Variants in HPS5 observed in about 807,000 individuals in gnomAD.
The protein encoded by HPS5 is HPS5 biogenesis of lysosomal organelles complex 2 subunit 2.
In HPS5, 83 loss-of-function variants were observed where a neutral mutation model predicts 128.0. The observed-to-expected ratio is 0.65, with a 90% CI of 0.54 to 0.78. The LOEUF (loss-of-function observed/expected upper bound fraction) is 0.78, where lower values mean the gene tolerates loss of function less well. Ranked by LOEUF, HPS5 falls within the 30% of genes least tolerant of loss-of-function variation. HPS5 has a pLI of 0.00. For synonymous variants in HPS5, 475 were observed against 470.2 expected, an observed-to-expected ratio of 1.01 and a Z score of -0.13; for missense variants, 1,281 against 1,326.2, an observed-to-expected ratio of 0.97 and a Z score of 0.53.
intron 6 of HPS5, among the ~76,000 whole-genome samples, chr11:18,308,450 C>A (rs574109186): frequency 6.6e-6 from 1 of 152,118 alleles, no homozygotes; most frequent in Non-Finnish European, 1.5e-5. Flanking sequence ...TCTTAGTCAC[C>A]CACTGGACTG....
At chr11:18,307,436 T>C (rs1862498743) in intron 6 of HPS5, among the ~76,000 whole-genome samples, 2 of 152,336 alleles carry the variant, frequency 1.3e-5, no homozygotes, top group Middle Eastern at 3.4e-3. Context: ...TTATTACTTA[T>C]ACTCCTTATT....
At chr11:18,288,830 G>A (rs1860050837) in intron 16 of HPS5, among the ~76,000 whole-genome samples, 1 of 151,816 alleles carries the variant, frequency 6.6e-6, no homozygotes. Flanking sequence ...CGTGTGTGGA[G>A]AGACAGGGTC....
intron 18 of HPS5, chr11:18,286,977 T>G (rs1590058266): frequency 3.3e-6 from 2 of 598,148 alleles, no homozygotes; most frequent in Non-Finnish European, 2.9e-6. Flanking sequence ...GTGGCCAGAG[T>G]AGGAAGATCA....
rs1343092510 is a variant in HPS5, at chr11:18,286,575, A to T, written c.2837+16T>A. 4.3e-6 allele frequency: 7 copies of T among 1,612,594 alleles called. No homozygotes were observed. Among genetic ancestry groups the T allele is most frequent in the Non-Finnish European group, 5.9e-6 (7 of 1,179,214 alleles). ...AAAGTAAAGAAAAAAACAAAGAAAGAGGACTTCTTCTGTACCTGGGATAAC... is the reference window on the plus strand; with the variant it reads ...AAAGTAAAGAAAAAAACAAAGAAAGTGGACTTCTTCTGTACCTGGGATAAC... On this transcript the variant is annotated intron_variant, in intron 19 of 22. Transcript: ENST00000349215.
In HPS5 at chr11:18,291,846, G is replaced by A. The variant is rs779921624; in HGVS notation, c.2036C>T (p.Ser679Leu). The A allele has an allele frequency of 1.2e-6, 2 of 1,605,014 alleles. No individual in the cohort carries two copies. Among genetic ancestry groups the A allele is most frequent in the Admixed American group, 1.7e-5 (1 of 59,110 alleles). ...LNQDVLLVNE[S>L]KKGILDEDNE... The stretch of plus-strand genomic sequence containing the variant: ...ATCTTCATCTAATATTCCCTTTTTT[G>A]ATTCATTAACTAATAGCACATCCTG... Residue 679 changes from serine (S) to leucine (L), a missense_variant, in exon 16 of 23, where the codon TCA becomes TTA. Ser to Leu is a moderately radical substitution (Grantham distance 145, BLOSUM62 -2). Coordinates refer to ENST00000349215, the MANE Select transcript of HPS5 (RefSeq NM_181507.2).
intron 22 of HPS5, among the ~76,000 whole-genome samples, chr11:18,281,495 G>A (rs1246446980): frequency 6.6e-6 from 1 of 151,354 alleles, no homozygotes; most frequent in Admixed American, 6.6e-5. Context: ...CACCTTCCGA[G>A]TTCAAGCGAT....
At chr11:18,312,128 T>A in intron 2 of HPS5, 104 bp from the exon 3 acceptor site, 1 of 858,764 alleles carries the variant, frequency 1.2e-6, no homozygotes, top group Non-Finnish European at 2.0e-6. Flanking sequence ...GCTCCTTCCC[T>A]CACTTTACCC....
chr11:18,298,636 A>G (rs577085380), intron 10 of HPS5, among the ~76,000 whole-genome samples, 156 bp downstream of exon 10: 3 of 152,216 alleles, frequency 2.0e-5, no homozygotes, highest in Non-Finnish European at 4.4e-5. Flanking sequence ...ATCCACCCCT[A>G]GATATATCTA....
chr11:18,296,074 G>C lies in HPS5; in HGVS notation c.1559C>G (p.Thr520Ser). The stretch of plus-strand genomic sequence containing the variant: ...TAATGGAATGCCGAACGGGAGAAAA[G>C]TTTCATTCTTATCTGTCTCAAACAT... ...PVMFETDKNETFLPFGIPLPF... is the reference protein window; with the variant it reads ...PVMFETDKNESFLPFGIPLPF... Residue 520 changes from threonine (T) to serine (S), a missense_variant, in exon 13 of 23, where the codon ACT (threonine) becomes AGT (serine). Thr to Ser is a moderately conservative substitution (Grantham distance 58). Transcript: ENST00000349215. 6.8e-6 allele frequency: 11 copies of C among 1,613,184 alleles called. No homozygotes were observed. Among genetic ancestry groups the C allele is most frequent in the Non-Finnish European group, 9.3e-6 (11 of 1,179,192 alleles).
chr11:18,321,595 G>T (rs1308360811), intron 1 of HPS5, among the ~76,000 whole-genome samples: 5 of 152,170 alleles, frequency 3.3e-5, no homozygotes, highest in Non-Finnish European at 7.3e-5. Flanking sequence ...TCGTAAAATA[G>T]TTCAGTGTTT....
intron 2 of HPS5, among the ~76,000 whole-genome samples, chr11:18,316,137 C>CT: frequency 6.6e-6 from 1 of 152,068 alleles, no homozygotes; most frequent in Non-Finnish European, 1.5e-5. Flanking sequence ...TCTACAAAAA[C>CT]TTTAAAAATT....
intron 9 of HPS5, among the ~76,000 whole-genome samples, chr11:18,300,408 C>T (rs189604597): frequency 4.6e-5 from 7 of 152,188 alleles, no homozygotes; most frequent in Admixed American, 2.0e-4. Context: ...TAACTGGGCA[C>T]GGTGGCTCAC....
chr11:18,292,588 G>A (rs1309215504), intron 15 of HPS5, among the ~76,000 whole-genome samples: 2 of 152,130 alleles, frequency 1.3e-5, no homozygotes, highest in Non-Finnish European at 2.9e-5. Flanking sequence ...CCCATTCTGG[G>A]CTTGTGTGAA....
chr11:18,299,072 GT>G, intron 9 of HPS5, 102 bp from the exon 10 acceptor site: 1 of 1,140,082 alleles, frequency 8.8e-7, no homozygotes, highest in East Asian at 2.5e-5. Flanking sequence ...CTTACGTAGG[GT>G]TTGGCTTGAC....
intron 2 of HPS5, 92 bp from the exon 3 acceptor site, chr11:18,312,116 A>G: frequency 1.0e-6 from 1 of 960,388 alleles, no homozygotes; most frequent in Non-Finnish European, 1.7e-6. Flanking sequence ...TTTATGCATC[A>G]GGCTCCTTCC....
intron 10 of HPS5, among the ~76,000 whole-genome samples, chr11:18,298,235 G>A (rs1861310139): frequency 6.6e-6 from 1 of 152,050 alleles, no homozygotes; most frequent in Non-Finnish European, 1.5e-5. Context: ...GCTGATACCT[G>A]TAATCCCACA....
intron 22 of HPS5, chr11:18,280,680 T>A (rs1051894964): frequency 4.6e-6 from 3 of 648,876 alleles, no homozygotes; most frequent in Non-Finnish European, 8.3e-6. Context: ...AGGTGGCATA[T>A]ATATACAACG....
chr11:18,286,475 A>C, intron 19 of HPS5, 116 bp downstream of exon 19: 1 of 1,034,474 alleles, frequency 9.7e-7, no homozygotes, highest in South Asian at 1.4e-5. Flanking sequence ...CTAGGAGGTC[A>C]AGGCTGCAGG....
At chr11:18,287,433 C>A (rs1859877391) in intron 18 of HPS5, 102 bp downstream of exon 18, 3 of 1,311,816 alleles carry the variant, frequency 2.3e-6, no homozygotes, top group Non-Finnish European at 3.3e-6. Context: ...TGTGCCTCAA[C>A]CCCTTGGTAA....
Sources: gnomAD v4.1 joint callset for allele counts (sites outside exome capture counted in the v4.1 genomes callset) on GRCh38, gnomAD v4.1.1 for gene constraint, MANE v1.5 for transcripts, NCBI Gene and HGNC (gene_info 2026-07-23, HGNC 2026-07-21) for gene names.